NMBR: variants seen among roughly 807,000 people sequenced by gnomAD.
NMBR encodes neuromedin B receptor, also known as neuromedin-B receptor.
In NMBR, 16 loss-of-function variants were observed where a neutral mutation model predicts 20.5. The ratio of observed to expected loss-of-function variants is 0.78; its 90% CI spans 0.53 to 1.19. The LOEUF is 1.19. Among genes scored for constraint, NMBR ranks in the 50% most tolerant of loss-of-function variants. NMBR has a pLI of 0.00. For missense variants in NMBR, 582 were observed against 499.1 expected, an observed-to-expected ratio of 1.17 and a Z score of -1.58; for synonymous variants, 212 against 196.6, an observed-to-expected ratio of 1.08 and a Z score of -0.65.
At position 142,076,033 on chromosome 6, in the gene NMBR, C is replaced by A. The variant is rs746892172; in HGVS notation, c.788G>T (p.Arg263Leu). The A allele has an allele frequency of 5.1e-6, 8 of 1,580,552 alleles. No homozygotes were observed. In the East Asian group the frequency reaches 6.7e-5, roughly 13 times the overall value. ...AAAGACAAGCACAATTTTAGCCAGG[C>A]GTTTCCGTGTTTCCATCTGCAAATA... ...HTKKQMETRKRLAKIVLVFVG... is the reference protein window; with the variant it reads ...HTKKQMETRKLLAKIVLVFVG... Residue 263 changes from arginine to leucine, a missense_variant, in exon 4 of 4, where the codon CGC becomes CTC. Coordinates refer to ENST00000258042, the MANE Select transcript of NMBR (RefSeq NM_002511.4).
chr6:142,118,335 G>A (rs1282245024), intron 1 of NMBR, among the ~76,000 whole-genome samples: 3 of 152,032 alleles, frequency 2.0e-5, no homozygotes, highest in Middle Eastern at 3.4e-3. Flanking sequence ...TAATGCAAAC[G>A]TTTCACATTT....
At chr6:142,096,592 C>A (rs372627362) in intron 1 of NMBR, among the ~76,000 whole-genome samples, 2 of 152,050 alleles carry the variant, frequency 1.3e-5, no homozygotes, top group African/African-American at 4.8e-5. Flanking sequence ...TTACTTCCAA[C>A]TATGTGGTCA....
chr6:142,098,647 C>T (rs779040055), intron 1 of NMBR, among the ~76,000 whole-genome samples: 1 of 152,010 alleles, frequency 6.6e-6, no homozygotes, highest in African/African-American at 2.4e-5. Context: ...AGGAAAATTA[C>T]AAAACTGAAG....
intron 1 of NMBR, among the ~76,000 whole-genome samples, chr6:142,139,521 C>A (rs960295710): frequency 6.6e-6 from 1 of 152,204 alleles, no homozygotes; most frequent in Non-Finnish European, 1.5e-5. Flanking sequence ...GCTTTTCCAG[C>A]TACCTTACTG....
At chr6:142,079,782 A>C (rs1348683985) in intron 2 of NMBR, among the ~76,000 whole-genome samples, 3 of 152,126 alleles carry the variant, frequency 2.0e-5, no homozygotes, top group Non-Finnish European at 4.4e-5. Flanking sequence ...GCTCAAATTT[A>C]TTTCATGTCA....
intron 1 of NMBR, among the ~76,000 whole-genome samples, chr6:142,140,322 TGTAAA>T (rs1778344558): frequency 6.6e-6 from 1 of 152,094 alleles, no homozygotes; most frequent in South Asian, 2.1e-4. Flanking sequence ...TTGTAATATA[TGTAAA>T]GTATATTATC....
chr6:142,099,501 A>G (rs1777519973), intron 1 of NMBR, among the ~76,000 whole-genome samples: 1 of 152,124 alleles, frequency 6.6e-6, no homozygotes, highest in African/African-American at 2.4e-5. Flanking sequence ...CTCACTCACT[A>G]TCATGAAAAC....
At chr6:142,111,772 C>G (rs895171236) in intron 1 of NMBR, among the ~76,000 whole-genome samples, 5 of 152,128 alleles carry the variant, frequency 3.3e-5, no homozygotes, top group African/African-American at 1.2e-4. Flanking sequence ...TCAGTACGCT[C>G]TAAGTAAACG....
chr6:142,134,953 T>A lies in NMBR; in HGVS notation c.-664+12091A>T, dbSNP rs192255595. On this transcript the variant is annotated intron_variant, in intron 1 of 3. Transcript: ENST00000258042. Reference sequence around the variant, plus strand: ...TAATTACCTATTGTCATGCTGCAGTTATTTATCATTTTTATTTAGTTTTAT... The same window carrying A: ...TAATTACCTATTGTCATGCTGCAGTAATTTATCATTTTTATTTAGTTTTAT... 29 of 509,100 alleles carry A rather than the reference T, an allele frequency of 5.7e-5. No homozygotes were observed. The East Asian group carries it at 7.5e-4, about 13-fold the overall frequency. The allele number at this position is 509,100 out of a possible 1,614,324, so 31.5% of individuals were successfully genotyped here.
intron 2 of NMBR, among the ~76,000 whole-genome samples, chr6:142,079,141 G>GAAAGAAAGAAAGAAAGAA (rs1562390287): frequency 6.1e-5 from 6 of 98,900 alleles, no homozygotes; most frequent in Admixed American, 2.4e-4. Context: ...AAGAAAGAAA[G>GAAAGAAAGAAAGAAAGAA]AAAAAGAAGA....
At chr6:142,143,316 G>A (rs182398645) in intron 1 of NMBR, among the ~76,000 whole-genome samples, 311 of 152,108 alleles carry the variant, frequency 2.0e-3, no homozygotes, top group Non-Finnish European at 3.4e-3. Context: ...ACGGAGTCTC[G>A]CTCTGTCGCC....
intron 1 of NMBR, chr6:142,134,070 A>C (rs1778201731): frequency 1.7e-6 from 1 of 593,032 alleles, no homozygotes; most frequent in Non-Finnish European, 3.1e-6. Flanking sequence ...TTAACTCTAC[A>C]ACAAACTCAT....
intron 1 of NMBR, among the ~76,000 whole-genome samples, chr6:142,121,139 C>T (rs1304967789): frequency 1.3e-5 from 2 of 151,836 alleles, no homozygotes; most frequent in African/African-American, 2.4e-5. Flanking sequence ...TTTTTCAGGA[C>T]ACCTCGAAAA....
At chr6:142,106,576 A>G (rs182436089) in intron 1 of NMBR, among the ~76,000 whole-genome samples, 3 of 152,290 alleles carry the variant, frequency 2.0e-5, no homozygotes, top group African/African-American at 7.2e-5. Context: ...TTTATAAAGG[A>G]TTGTCATTTG....
chr6:142,114,201 G>A (rs1243406640), intron 1 of NMBR, among the ~76,000 whole-genome samples: 1 of 152,100 alleles, frequency 6.6e-6, no homozygotes, highest in Non-Finnish European at 1.5e-5. Context: ...AGCCCAGGTT[G>A]GAAAAATAAA....
intron 1 of NMBR, among the ~76,000 whole-genome samples, chr6:142,126,781 T>TC (rs1778046839): frequency 7.7e-6 from 1 of 130,406 alleles, no homozygotes; most frequent in Non-Finnish European, 1.7e-5. Flanking sequence ...TTTTTTTTTT[T>TC]GCTGTTGAGT....
intron 1 of NMBR, among the ~76,000 whole-genome samples, chr6:142,090,931 A>C (rs1777309381): frequency 6.6e-6 from 1 of 152,034 alleles, no homozygotes; most frequent in Non-Finnish European, 1.5e-5. Context: ...GTTTAGTCTA[A>C]AAGCTGGATT....
intron 1 of NMBR, among the ~76,000 whole-genome samples, chr6:142,127,801 T>A (rs926074336): frequency 2.6e-5 from 4 of 152,048 alleles, no homozygotes; most frequent in Non-Finnish European, 5.9e-5. Context: ...TTTTTGTTTG[T>A]GTACAGATAT....
At chr6:142,099,573 T>G (rs1295247908) in intron 1 of NMBR, among the ~76,000 whole-genome samples, 2 of 152,102 alleles carry the variant, frequency 1.3e-5, no homozygotes. Context: ...CCCCGACATG[T>G]GCAGATTGCA....
Sources: allele counts gnomAD v4.1 joint callset (sites outside exome capture counted in the v4.1 genomes callset), GRCh38; gene constraint gnomAD v4.1.1; transcripts MANE v1.5; gene names NCBI Gene and HGNC (gene_info 2026-07-23, HGNC 2026-07-21).